The following SGCD variants were observed in gnomAD, a reference collection of about 807,000 sequenced individuals.
The protein encoded by SGCD is delta-sarcoglycan.
In SGCD, 18 loss-of-function variants were observed where a neutral mutation model predicts 36.6. The observed-to-expected ratio is 0.49, with a 90% CI of 0.34 to 0.73. The LOEUF (loss-of-function observed/expected upper bound fraction) is 0.73, where lower values mean the gene tolerates loss of function less well. Among genes scored for constraint, SGCD ranks in the 30% least tolerant of loss-of-function variants. The probability of loss-of-function intolerance (pLI) is 0.01; values close to 1 mark genes in which losing one functional copy is unlikely to be tolerated. For synonymous variants in SGCD, 133 were observed against 130.6 expected (o/e 1.02, Z -0.12); for missense variants, 387 against 346.7 (o/e 1.12, Z -0.92).
intron 3 of SGCD, among the ~76,000 whole-genome samples, chr5:156,152,417 T>A (rs1165161650): frequency 6.6e-6 from 1 of 151,628 alleles, no homozygotes; most frequent in Non-Finnish European, 1.5e-5. Flanking sequence ...TTAAATCATA[T>A]ATCTAGTACA....
At chr5:156,188,015 C>A (rs1281599088) in intron 3 of SGCD, among the ~76,000 whole-genome samples, 3 of 152,080 alleles carry the variant, frequency 2.0e-5, no homozygotes, top group Non-Finnish European at 4.4e-5. Context: ...GCCTAGGGTG[C>A]AGAATTCAAG....
At chr5:156,594,760 C>T (rs1368739991) in intron 5 of SGCD, among the ~76,000 whole-genome samples, 172 bp from the exon 6 acceptor site, 1 of 152,182 alleles carries the variant, frequency 6.6e-6, no homozygotes, top group Admixed American at 6.5e-5. Context: ...GACTGATTTT[C>T]ATGGTCAGCT....
intron 3 of SGCD, among the ~76,000 whole-genome samples, chr5:156,261,270 G>C (rs577847574): frequency 1.2e-4 from 19 of 152,172 alleles, no homozygotes; most frequent in Non-Finnish European, 1.2e-4. Context: ...TGCCTTTTGG[G>C]CATAGGATAC....
At chr5:155,924,402 G>GGCACCT (rs921944570) in intron 1 of SGCD, among the ~76,000 whole-genome samples, 1 of 152,168 alleles carries the variant, frequency 6.6e-6, no homozygotes, top group Non-Finnish European at 1.5e-5. Flanking sequence ...TCAGCCTCTT[G>GGCACCT]GCACCTGTTT....
At position 156,765,101 on chromosome 5, in the gene SGCD, CGAGAA is replaced by C. The variant is rs1757563883; in HGVS notation, c.*5717_*5721del. On this transcript the variant is annotated 3_prime_UTR_variant, in exon 9 of 9. Transcript: ENST00000337851. ...CACAAATATGAGGCCGACTTCTTTGCGAGAAGAGAAAAGAAAACATCTGCTTGATT... is the reference window on the plus strand; with the variant it reads ...CACAAATATGAGGCCGACTTCTTTGCGAGAAAAGAAAACATCTGCTTGATT... 5 of 152,086 alleles carry C rather than the reference CGAGAA, an allele frequency of 3.3e-5. No individual in the cohort carries two copies. Among genetic ancestry groups the C allele is most frequent in the Middle Eastern group, 3.4e-3 (1 of 294 alleles). The allele number at this position is 152,086 out of a possible 1,614,324, so 9.4% of individuals were successfully genotyped here.
chr5:155,964,451 C>A (rs1310534158), intron 1 of SGCD, among the ~76,000 whole-genome samples: 2 of 151,904 alleles, frequency 1.3e-5, no homozygotes, highest in Non-Finnish European at 2.9e-5. Context: ...TGATTCTCCT[C>A]CCTCAGCCTC....
intron 3 of SGCD, among the ~76,000 whole-genome samples, chr5:156,399,841 A>T (rs1327627879): frequency 6.6e-6 from 1 of 152,160 alleles, no homozygotes; most frequent in Non-Finnish European, 1.5e-5. Context: ...CTAACGTCGT[A>T]TTTCTGGGGC....
At chr5:156,507,714 G>A (rs1358208171) in intron 3 of SGCD, among the ~76,000 whole-genome samples, 1 of 152,080 alleles carries the variant, frequency 6.6e-6, no homozygotes. Flanking sequence ...TTTTTAAAAT[G>A]ACATTTATCA....
At chr5:155,829,239 A>G in the SGCD span, among the ~76,000 whole-genome samples, 1,465 of 152,262 alleles carry the variant, frequency 9.6e-3, 25 homozygotes, top group African/African-American at 0.034. Context: ...AATATTCTAT[A>G]TAGTGCAGCT....
At chr5:156,361,373 G>A (rs1223235688) in intron 3 of SGCD, among the ~76,000 whole-genome samples, 1 of 152,222 alleles carries the variant, frequency 6.6e-6, no homozygotes, top group Non-Finnish European at 1.5e-5. Context: ...GGAAGCTTCT[G>A]CTCTGTTACT....
chr5:156,009,137 C>G (rs139194223), intron 1 of SGCD, among the ~76,000 whole-genome samples: 43 of 152,254 alleles, frequency 2.8e-4, no homozygotes, highest in Non-Finnish European at 3.8e-4. Flanking sequence ...CAGCTATGTC[C>G]TTTGGTACTT....
At position 156,638,520 on chromosome 5, in the gene SGCD, G is replaced by A. The variant is rs113830648; in HGVS notation, c.503-8944G>A. Among the ~76,000 whole-genome samples, 589 of 152,250 alleles carry A rather than the reference G, an allele frequency of 3.9e-3. 6 individuals are homozygous for A. Among genetic ancestry groups the A allele is most frequent in the Middle Eastern group, 0.014 (4 of 294 alleles). On this transcript the variant is annotated intron_variant, in intron 6 of 8. Transcript: ENST00000337851. ...TGTCAAGCAGCCTTCTCAGCTTATCGCTGATGCTTTGTTTGCCTATACTAT... is the reference window on the plus strand; with the variant it reads ...TGTCAAGCAGCCTTCTCAGCTTATCACTGATGCTTTGTTTGCCTATACTAT...
upstream of SGCD, among the ~76,000 whole-genome samples, chr5:155,868,171 C>T (rs1472572700): frequency 6.6e-6 from 1 of 151,966 alleles, no homozygotes; most frequent in Non-Finnish European, 1.5e-5. Flanking sequence ...TAGGCCTCAG[C>T]CTCCCAAGTA....
intron 7 of SGCD, among the ~76,000 whole-genome samples, chr5:156,708,698 G>C (rs1754848788): frequency 6.6e-6 from 1 of 152,098 alleles, no homozygotes; most frequent in Non-Finnish European, 1.5e-5. Context: ...ATTGAGCAAA[G>C]AGAAAGTGCA....
At chr5:156,229,921 G>A (rs905747880) in intron 3 of SGCD, among the ~76,000 whole-genome samples, 3 of 151,922 alleles carry the variant, frequency 2.0e-5, no homozygotes, top group Non-Finnish European at 4.4e-5. Flanking sequence ...TTTGAGTTCC[G>A]AATTTCTTTC....
At chr5:156,299,825 T>C (rs1043694710) in intron 3 of SGCD, among the ~76,000 whole-genome samples, 5 of 152,154 alleles carry the variant, frequency 3.3e-5, no homozygotes, top group Admixed American at 2.6e-4. Context: ...TCAGTTCTAA[T>C]CTTTTTTTGG....
intron 3 of SGCD, among the ~76,000 whole-genome samples, chr5:156,269,464 C>A (rs12187758): frequency 3.0e-5 from 3 of 99,122 alleles, no homozygotes; most frequent in Non-Finnish European, 5.7e-5. Context: ...AGTGAGACTC[C>A]GTCTCAAAAA....
the SGCD span, among the ~76,000 whole-genome samples, chr5:155,854,112 G>A: frequency 6.6e-6 from 1 of 152,008 alleles, no homozygotes; most frequent in Non-Finnish European, 1.5e-5. Flanking sequence ...GACCCTAGAG[G>A]TTTATGGCAT....
chr5:156,600,890 G>T (rs1761162424), intron 6 of SGCD, among the ~76,000 whole-genome samples: 1 of 151,984 alleles, frequency 6.6e-6, no homozygotes, highest in African/African-American at 2.4e-5. Context: ...TATCTCATTT[G>T]CATTTCATTT....
Sources: gnomAD v4.1 joint callset for allele counts (sites outside exome capture counted in the v4.1 genomes callset) on GRCh38, gnomAD v4.1.1 for gene constraint, MANE v1.5 for transcripts, NCBI Gene and HGNC (gene_info 2026-07-23, HGNC 2026-07-21) for gene names.